The following PRKN variants were observed in gnomAD, a reference collection of about 807,000 sequenced individuals.
The protein encoded by PRKN is parkin RBR E3 ubiquitin protein ligase.
PRKN carries 56 observed loss-of-function variants against 59.5 expected under a neutral mutation model. That is an observed-to-expected ratio of 0.94 (90% CI 0.76 to 1.18). The LOEUF is 1.18. Ranked by LOEUF, PRKN falls within the 50% of genes most tolerant of loss-of-function variation. The pLI is 0.00. For synonymous variants in PRKN, 250 were observed against 222.1 expected, an observed-to-expected ratio of 1.13 and a Z score of -1.12; for missense variants, 657 against 596.4, an observed-to-expected ratio of 1.10 and a Z score of -1.06.
In PRKN at chr6:162,353,498, CG is replaced by C. The variant is rs1784710357; in HGVS notation, c.171+89811del. 2.6e-5 allele frequency among the ~76,000 whole-genome samples: 4 copies of C among 151,728 alleles called. No homozygotes were observed. In the South Asian group the frequency reaches 8.3e-4, roughly 32 times the overall value. ...TGTTAAATTTTAAAAACTAAGTATA[CG>C]TATATGAATAAATTTTTAAAAAAAT... On this transcript the variant is annotated intron_variant, in intron 2 of 11. Coordinates refer to ENST00000366898, the MANE Select transcript of PRKN (RefSeq NM_004562.3).
chr6:162,649,217 C>G (rs1201776871), intron 1 of PRKN, among the ~76,000 whole-genome samples: 6 of 152,200 alleles, frequency 3.9e-5, no homozygotes, highest in African/African-American at 1.4e-4. Flanking sequence ...AAACACTGTT[C>G]TAGATGCAGG....
At chr6:161,608,472 GA>G (rs1310112083) in intron 7 of PRKN, among the ~76,000 whole-genome samples, 1 of 151,974 alleles carries the variant, frequency 6.6e-6, no homozygotes, top group African/African-American at 2.4e-5. Context: ...TTCATAGCTA[GA>G]ATTTAGCAGA....
At chr6:162,661,209 T>C (rs1584001301) in intron 1 of PRKN, among the ~76,000 whole-genome samples, 1 of 151,786 alleles carries the variant, frequency 6.6e-6, no homozygotes, top group Non-Finnish European at 1.5e-5. Flanking sequence ...TGCAGTGAGC[T>C]GAGATCACGC....
chr6:161,362,508 A>G lies in PRKN; in HGVS notation c.1168-2303T>C, dbSNP rs1218536416. 2.6e-5 allele frequency among the ~76,000 whole-genome samples: 4 copies of G among 152,204 alleles called. No individual in the cohort carries two copies. Among genetic ancestry groups the G allele is most frequent in the Non-Finnish European group, 5.9e-5 (4 of 68,044 alleles). ...GGTGACGTTCTCAGTGGAGGAAGCC[A>G]GGGCAAAAGCCCGCCCTGAAGAGAT... On this transcript the variant is annotated intron_variant, in intron 10 of 11. Transcript: ENST00000366898. The surrounding 1 kb of genome is among the most constrained non-coding windows in gnomAD (Gnocchi z 5.2).
rs12665823 is a variant in PRKN, at chr6:161,754,891, G to T, written c.871+30881C>A. ...ATCTTTTCCTGAGACACTTAGGAAA[G>T]CACAAACTTTTTCACCCAAACAATG... On this transcript the variant is annotated intron_variant, in intron 7 of 11. Coordinates refer to ENST00000366898, the MANE Select transcript of PRKN (RefSeq NM_004562.3). Among the ~76,000 whole-genome samples, 36 of 152,290 alleles carry T rather than the reference G, an allele frequency of 2.4e-4. No individual in the cohort carries two copies. The East Asian group carries it at 6.4e-3, about 27-fold the overall frequency.
At chr6:161,657,676 C>T (rs899481335) in intron 7 of PRKN, among the ~76,000 whole-genome samples, 1 of 152,004 alleles carries the variant, frequency 6.6e-6, no homozygotes, top group African/African-American at 2.4e-5. Flanking sequence ...CAGCCTCACT[C>T]GACATTAAAA....
At chr6:161,977,730 G>A (rs893052842) in intron 5 of PRKN, among the ~76,000 whole-genome samples, 2 of 150,666 alleles carry the variant, frequency 1.3e-5, no homozygotes, top group African/African-American at 2.4e-5. Flanking sequence ...TGTATTTTTA[G>A]TAGAGACGGG....
At position 161,356,010 on chromosome 6, in the gene PRKN, T is replaced by C. The variant is rs9456663; in HGVS notation, c.1285+4078A>G. On this transcript the variant is annotated intron_variant, in intron 11 of 11. Transcript: ENST00000366898. This position sits in a 1 kb window ranked among gnomAD's most constrained non-coding sequence, Gnocchi z 7.8. ...ACAGCCTAAGAGGCCTGAGCTGACG[T>C]CCAGGAGCTCTGGGGATGGGGCAGC... 0.35 allele frequency among the ~76,000 whole-genome samples: 52,591 copies of C among 152,050 alleles called. 9,966 individuals carry two copies. Among genetic ancestry groups the C allele is most frequent in the African/African-American group, 0.48 (19,916 of 41,444 alleles).
chr6:162,405,821 T>C (rs916846878), intron 2 of PRKN, among the ~76,000 whole-genome samples: 1 of 152,114 alleles, frequency 6.6e-6, no homozygotes, highest in Non-Finnish European at 1.5e-5. Flanking sequence ...CACTGTGCAC[T>C]CAGAGTAAAC....
chr6:161,975,564 T>C (rs1034081594), intron 5 of PRKN, among the ~76,000 whole-genome samples: 14 of 152,326 alleles, frequency 9.2e-5, no homozygotes, highest in African/African-American at 3.4e-4. Context: ...TGTGACACCA[T>C]GAGCAACAGC....
chr6:161,919,669 A>G (rs530066526), intron 6 of PRKN, among the ~76,000 whole-genome samples: 1 of 152,328 alleles, frequency 6.6e-6, no homozygotes, highest in South Asian at 2.1e-4. Context: ...TTCACAATTT[A>G]AAGGGGCAGC....
intron 6 of PRKN, among the ~76,000 whole-genome samples, chr6:161,898,905 T>A (rs556447374): frequency 1.6e-4 from 25 of 152,332 alleles, no homozygotes; most frequent in Middle Eastern, 3.4e-3. Flanking sequence ...GAATAATGTC[T>A]AAAAGGCCCG....
intron 1 of PRKN, among the ~76,000 whole-genome samples, chr6:162,724,824 T>C (rs1380726082): frequency 6.6e-6 from 1 of 152,192 alleles, no homozygotes; most frequent in Admixed American, 6.5e-5. Context: ...GTATTCTGTT[T>C]TATCTAAGTA....
At chr6:162,113,111 T>C (rs1275975515) in intron 4 of PRKN, among the ~76,000 whole-genome samples, 1 of 152,174 alleles carries the variant, frequency 6.6e-6, no homozygotes, top group Non-Finnish European at 1.5e-5. Flanking sequence ...TGATCTGACA[T>C]CCTCCTATAA....
intron 1 of PRKN, among the ~76,000 whole-genome samples, chr6:162,577,608 T>TAAATAAAATA (rs71004101): frequency 1.2e-4 from 16 of 137,184 alleles, no homozygotes; most frequent in South Asian, 2.3e-4. Context: ...TCAAAATAAA[T>TAAATAAAATA]AAATAAAATA....
At chr6:161,805,387 T>C (rs1583186903) in intron 6 of PRKN, among the ~76,000 whole-genome samples, 1 of 152,074 alleles carries the variant, frequency 6.6e-6, no homozygotes, top group African/African-American at 2.4e-5. Flanking sequence ...TGGATAAGCA[T>C]CTGAGGATGC....
intron 5 of PRKN, among the ~76,000 whole-genome samples, chr6:161,978,175 G>A (rs192145199): frequency 0.076 from 11,567 of 151,910 alleles, 510 homozygotes; most frequent in Middle Eastern, 0.11. Flanking sequence ...TCAGCCTCCC[G>A]AATAGCTGGG....
intron 9 of PRKN, among the ~76,000 whole-genome samples, chr6:161,481,539 G>A (rs1000739792): frequency 1.3e-5 from 2 of 152,118 alleles, no homozygotes; most frequent in Non-Finnish European, 2.9e-5. Flanking sequence ...GGGAGGTGGA[G>A]GTTGCAGTGA....
At chr6:162,060,735 T>C (rs535227362) in intron 4 of PRKN, among the ~76,000 whole-genome samples, 8 of 152,374 alleles carry the variant, frequency 5.3e-5, no homozygotes, top group African/African-American at 1.9e-4. Context: ...TGTGAGTATA[T>C]GCATTGATGC....
Sources: allele counts gnomAD v4.1 joint callset (sites outside exome capture counted in the v4.1 genomes callset), GRCh38; gene constraint gnomAD v4.1.1; non-coding constraint Gnocchi (gnomAD v3.1); transcripts MANE v1.5; gene names NCBI Gene and HGNC (gene_info 2026-07-23, HGNC 2026-07-21).